PABIR3: variants seen among roughly 807,000 people sequenced by gnomAD.
PABIR3 encodes PABIR family member 3.
PABIR3 carries 20 observed loss-of-function variants against 23.1 expected under a neutral mutation model. That is an observed-to-expected ratio of 0.86 (90% CI 0.61 to 1.26). The LOEUF (loss-of-function observed/expected upper bound fraction) is 1.26. Among genes scored for constraint, PABIR3 ranks in the 50% most tolerant of loss-of-function variants. The pLI, the probability that PABIR3 is intolerant of heterozygous loss-of-function variation, is 0.00. For synonymous variants in PABIR3, 69 were observed against 68.5 expected, an observed-to-expected ratio of 1.01 and a Z score of -0.04; for missense variants, 189 against 195.4, an observed-to-expected ratio of 0.97 and a Z score of 0.20.
In PABIR3 at chrX:134,853,669, G is replaced by C. The variant is rs751420613; in HGVS notation, c.687-422G>C. ...GAGTCTCGCTCTGTCTCCCAGGCTG[G>C]AGTGCAGTGGCACCATCTCGGCTTA... On this transcript the variant is annotated intron_variant, in intron 10 of 10. Coordinates refer to ENST00000645433, the MANE Select transcript of PABIR3 (RefSeq NM_001388447.1). Among the ~76,000 whole-genome samples the C allele has an allele frequency of 3.7e-5, 4 of 108,787 alleles. No homozygotes were observed. The East Asian group carries it at 1.2e-3, about 32-fold the overall frequency. The allele number at this position is 108,787 out of a possible 115,157, so 94.5% of individuals were successfully genotyped here.
intron 3 of PABIR3, among the ~76,000 whole-genome samples, chrX:134,828,010 GCTCTCTCTCTCTCTCTCTCTCT>G (rs1167724649): frequency 1.6e-5 from 1 of 61,298 alleles, no homozygotes; most frequent in African/African-American, 6.7e-5. Context: ...CTAGCTCAGT[GCTCTCTCTCTCTCTCTCTCTCT>G]CTCTCTCTCT....
chrX:134,809,733 G>A (rs980239585), intron 2 of PABIR3: 1 of 715,184 alleles, frequency 1.4e-6, no homozygotes, highest in Non-Finnish European at 1.7e-6. Context: ...CCAAAATGAC[G>A]TTTAGTGGCA....
intron 3 of PABIR3, 50 bp from the exon 4 acceptor site, chrX:134,829,176 A>G (rs2081645571): frequency 9.7e-7 from 1 of 1,032,713 alleles, no homozygotes; most frequent in Non-Finnish European, 1.4e-6. Context: ...TTGAGATGTA[A>G]TTAATCACAA....
intron 3 of PABIR3, among the ~76,000 whole-genome samples, chrX:134,826,494 C>CT (rs971173223): frequency 1.8e-5 from 2 of 111,246 alleles, no homozygotes; most frequent in Admixed American, 1.9e-4. Context: ...TGTAAGGTCT[C>CT]TGAGTAATAA....
chrX:134,848,038 A>G, intron 8 of PABIR3, 67 bp downstream of exon 8: 1 of 903,050 alleles, frequency 1.1e-6, no homozygotes, highest in Non-Finnish European at 1.5e-6. Context: ...CCTAAAAGAA[A>G]TTATAGCTCC....
At chrX:134,858,857 T>A (rs2082760754), downstream of PABIR3, among the ~76,000 whole-genome samples, 1 of 111,830 alleles carries the variant, frequency 8.9e-6, no homozygotes, top group African/African-American at 3.2e-5. Flanking sequence ...CCCGGAAACT[T>A]GCTCAACCCC....
At chrX:134,861,317 G>T in the PABIR3 span, among the ~76,000 whole-genome samples, 1 of 109,304 alleles carries the variant, frequency 9.1e-6, no homozygotes, top group South Asian at 3.9e-4. Context: ...ACAACATTGT[G>T]AATGTAATTA....
intron 6 of PABIR3, among the ~76,000 whole-genome samples, chrX:134,846,831 C>T (rs1041607177): frequency 2.7e-5 from 3 of 111,569 alleles, no homozygotes; most frequent in African/African-American, 9.8e-5. Flanking sequence ...GTAAGAGAAT[C>T]GTAAGTGTGT....
At chrX:134,832,329 C>A (rs1217594693) in intron 4 of PABIR3, among the ~76,000 whole-genome samples, 1 of 108,083 alleles carries the variant, frequency 9.3e-6, no homozygotes, top group African/African-American at 3.4e-5. Flanking sequence ...CTTTCTGTGC[C>A]TGGCTTATTT....
At chrX:134,836,589 G>T (rs770475797) in intron 4 of PABIR3, among the ~76,000 whole-genome samples, 2 of 111,731 alleles carry the variant, frequency 1.8e-5, no homozygotes, top group Non-Finnish European at 3.8e-5. Context: ...AGTGTTCTCC[G>T]TGTACATGTG....
Position 134,847,480 on chromosome X carries a change from GA to G in PABIR3, c.438+8del, listed in dbSNP as rs757690979. On this transcript the variant is annotated splice_donor_region_variant and intron_variant, in intron 7 of 10. Coordinates refer to ENST00000645433, the MANE Select transcript of PABIR3 (RefSeq NM_001388447.1). The stretch of plus-strand genomic sequence containing the variant: ...TCCATCAAGAAGACTGGGAAGGTAA[GA>G]AAGGAGTACCTAAAAGTCTATGTCT... 2.4e-5 allele frequency: 28 copies of G among 1,145,747 alleles called. No homozygotes were observed. Among genetic ancestry groups the G allele is most frequent in the Non-Finnish European group, 3.1e-5 (26 of 838,459 alleles). 94.4% of individuals were successfully genotyped at this position (1,145,747 alleles called of 1,213,427 possible).
chrX:134,830,522 G>A (rs1305094557), intron 4 of PABIR3, among the ~76,000 whole-genome samples: 11 of 107,746 alleles, frequency 1.0e-4, no homozygotes, highest in Non-Finnish European at 1.7e-4. Context: ...TAGTAGAGAC[G>A]GGGTTTCATC....
chrX:134,828,802 G>C (rs2081632410), intron 3 of PABIR3, among the ~76,000 whole-genome samples: 1 of 111,494 alleles, frequency 9.0e-6, no homozygotes, highest in Admixed American at 9.6e-5. Flanking sequence ...ATGATTTTTG[G>C]GCAGTATGCT....
intron 3 of PABIR3, among the ~76,000 whole-genome samples, chrX:134,824,540 C>T (rs1374945150): frequency 8.9e-6 from 1 of 112,376 alleles, no homozygotes; most frequent in Non-Finnish European, 1.9e-5. Flanking sequence ...TGGCTCATGC[C>T]TGTAATCCCA....
intron 4 of PABIR3, among the ~76,000 whole-genome samples, chrX:134,840,341 G>A (rs1005223688): frequency 9.3e-6 from 1 of 107,962 alleles, no homozygotes; most frequent in Non-Finnish European, 1.9e-5. Context: ...CGAGAAACAC[G>A]CAAGAATGAT....
chrX:134,824,889 G>T (rs1305772575), intron 3 of PABIR3, among the ~76,000 whole-genome samples: 1 of 112,413 alleles, frequency 8.9e-6, no homozygotes, highest in Non-Finnish European at 1.9e-5. Flanking sequence ...AAACTATTCT[G>T]TACCATACTA....
intron 3 of PABIR3, among the ~76,000 whole-genome samples, chrX:134,817,321 A>T (rs1247795276): frequency 9.0e-6 from 1 of 110,789 alleles, no homozygotes; most frequent in Non-Finnish European, 1.9e-5. Flanking sequence ...TCATTAAATA[A>T]ATATTTCTTC....
chrX:134,849,869 CTT>C (rs374919785), intron 9 of PABIR3, among the ~76,000 whole-genome samples: 5 of 58,854 alleles, frequency 8.5e-5, no homozygotes, highest in Admixed American at 3.1e-4. Flanking sequence ...GCTCTTCTTC[CTT>C]TTTTTTTTTT....
chrX:134,825,377 C>T (rs971895607), intron 3 of PABIR3, among the ~76,000 whole-genome samples: 3 of 111,847 alleles, frequency 2.7e-5, no homozygotes, highest in East Asian at 2.8e-4. Context: ...AGGTGCTGTG[C>T]TAAACACATT....
Sources: allele counts gnomAD v4.1 joint callset (sites outside exome capture counted in the v4.1 genomes callset), GRCh38; gene constraint gnomAD v4.1.1; transcripts MANE v1.5; gene names NCBI Gene and HGNC (gene_info 2026-07-23, HGNC 2026-07-21).